TRIM55: variants seen among roughly 807,000 people sequenced by gnomAD.
TRIM55 encodes the protein tripartite motif-containing protein 55.
A neutral mutation model predicts 60.9 loss-of-function variants in TRIM55; 50 were observed. The ratio of observed to expected loss-of-function variants is 0.82; its 90% confidence interval spans 0.65 to 1.04. The LOEUF is 1.04. TRIM55 is among the 50% of genes least tolerant of loss of function. TRIM55 has a pLI of 0.00. For missense variants in TRIM55, 681 were observed against 666.9 expected (o/e 1.02, Z -0.23); for synonymous variants, 237 against 238.1 (o/e 1.00, Z 0.04).
At chr8:66,133,798 A>G (rs1809312784) in intron 2 of TRIM55, among the ~76,000 whole-genome samples, 2 of 152,198 alleles carry the variant, frequency 1.3e-5, no homozygotes, top group South Asian at 4.1e-4. Flanking sequence ...CAGCTACAAG[A>G]TACCACACAT....
intron 9 of TRIM55, among the ~76,000 whole-genome samples, chr8:66,172,863 A>G (rs2128987652): frequency 6.6e-6 from 1 of 152,358 alleles, no homozygotes; most frequent in East Asian, 1.9e-4. Flanking sequence ...CTCAAATTGA[A>G]TGGTTAAAAA....
chr8:66,115,850 A>G, the TRIM55 span, among the ~76,000 whole-genome samples: 7 of 152,214 alleles, frequency 4.6e-5, no homozygotes, highest in African/African-American at 1.7e-4. Flanking sequence ...TATAACATGT[A>G]AAGGCCTTAG....
intron 8 of TRIM55, 151 bp downstream of exon 8, chr8:66,152,778 A>T: frequency 8.9e-7 from 1 of 1,122,360 alleles, no homozygotes; most frequent in Non-Finnish European, 1.2e-6. Flanking sequence ...GACAGTCCTC[A>T]TGTCGGGGAG....
chr8:66,113,388 G>A, the TRIM55 span: 23 of 396,930 alleles, frequency 5.8e-5, no homozygotes, highest in Admixed American at 5.5e-4. Context: ...TCAGCTGGTA[G>A]AGCGGAGGAC....
intron 9 of TRIM55, among the ~76,000 whole-genome samples, chr8:66,158,514 C>A (rs2128983386): frequency 6.6e-6 from 1 of 152,302 alleles, no homozygotes; most frequent in Non-Finnish European, 1.5e-5. Context: ...CAGTGTCTGA[C>A]TCTGGGCATC....
At chr8:66,131,232 T>G (rs1809139093) in intron 2 of TRIM55, among the ~76,000 whole-genome samples, 1 of 152,150 alleles carries the variant, frequency 6.6e-6, no homozygotes, top group Non-Finnish European at 1.5e-5. Context: ...TTAAAGCTTT[T>G]AGTGCCTTAA....
chr8:66,161,408 A>ATGCTGT (rs1332416183), intron 9 of TRIM55, among the ~76,000 whole-genome samples: 1 of 152,086 alleles, frequency 6.6e-6, no homozygotes, highest in Non-Finnish European at 1.5e-5. Context: ...TACCAGTACC[A>ATGCTGT]TGCTGTTTTG....
the TRIM55 span, among the ~76,000 whole-genome samples, chr8:66,118,868 G>A: frequency 2.0e-5 from 3 of 152,156 alleles, no homozygotes; most frequent in African/African-American, 7.2e-5. Context: ...CACTAAAAAA[G>A]GGAGGGATGG....
the TRIM55 span, chr8:66,113,470 G>GT: frequency 2.9e-3 from 1,304 of 454,518 alleles, 8 homozygotes; most frequent in East Asian, 5.6e-3. Context: ...GACAAGTGCG[G>GT]TTTTTTTCTC....
intron 3 of TRIM55, 112 bp downstream of exon 3, chr8:66,135,267 G>A (rs964175037): frequency 2.1e-5 from 24 of 1,133,260 alleles, no homozygotes; most frequent in Admixed American, 4.0e-5. Flanking sequence ...CCCAAGCCAC[G>A]CAGGGCCATG....
chr8:66,158,061 T>C (rs1347674080), intron 9 of TRIM55, among the ~76,000 whole-genome samples: 1 of 151,950 alleles, frequency 6.6e-6, no homozygotes, highest in East Asian at 1.9e-4. Context: ...GATCTCTATT[T>C]GGTGGATTAA....
At chr8:66,144,748 A>G (rs1453584065) in intron 4 of TRIM55, among the ~76,000 whole-genome samples, 1 of 152,264 alleles carries the variant, frequency 6.6e-6, no homozygotes, top group African/African-American at 2.4e-5. Flanking sequence ...CAAGTAAATG[A>G]AAAAGTATGC....
intron 2 of TRIM55, among the ~76,000 whole-genome samples, chr8:66,130,721 C>T (rs1809103104): frequency 2.1e-5 from 3 of 144,092 alleles, no homozygotes; most frequent in South Asian, 2.2e-4. Flanking sequence ...AGTGCAGTGG[C>T]GTGATCTTGG....
In TRIM55 at chr8:66,127,255, G is replaced by C. The variant is rs773168450; in HGVS notation, c.-14G>C. Reference sequence around the variant, plus strand: ...GCACCCTTCCCTGGCAGCACACTTGGGGACAGCGAGGAGATGAGCGCATCT... The same window carrying C: ...GCACCCTTCCCTGGCAGCACACTTGCGGACAGCGAGGAGATGAGCGCATCT... On this transcript the variant is annotated 5_prime_UTR_variant, in exon 1 of 10. Transcript: ENST00000315962. 6.2e-7 allele frequency: 1 copy of C among 1,610,718 alleles called. No individual in the cohort carries two copies. Among genetic ancestry groups the C allele is most frequent in the African/African-American group, 1.3e-5 (1 of 74,782 alleles).
At chr8:66,162,718 AT>A (rs1346456270) in intron 9 of TRIM55, among the ~76,000 whole-genome samples, 1 of 151,886 alleles carries the variant, frequency 6.6e-6, no homozygotes, top group Middle Eastern at 3.2e-3. Flanking sequence ...ATTTCTTAGA[AT>A]TTTTTGAGGA....
chr8:66,149,785 C>T lies in TRIM55; in HGVS notation c.744C>T (p.Ile248=), dbSNP rs1586212650. 2.9e-5 allele frequency: 47 copies of T among 1,614,152 alleles called. No individual in the cohort carries two copies. Among genetic ancestry groups the T allele is most frequent in the Non-Finnish European group, 3.6e-5 (42 of 1,180,012 alleles). The change falls in exon 5 of 10, where the codon ATC becomes ATT. Residue 248 remains isoleucine (I), a synonymous_variant. Coordinates refer to ENST00000315962, the MANE Select transcript of TRIM55 (RefSeq NM_184085.2). ...AACTGGAACATGTCCGTGCTCTGAT[C>T]AAAAAGTATTCTGATCATTTGGAGA... ...EEKLEHVRAL[I]KKYSDHLENV... is the part of the protein sequence containing the mutation.
chr8:66,124,790 C>T (rs989357688), upstream of TRIM55, among the ~76,000 whole-genome samples: 1 of 152,196 alleles, frequency 6.6e-6, no homozygotes, highest in Admixed American at 6.5e-5. Flanking sequence ...CTTATAGGCC[C>T]CAATATCTTT....
intron 9 of TRIM55, among the ~76,000 whole-genome samples, chr8:66,161,776 G>A (rs7828111): frequency 2.2e-5 from 3 of 134,112 alleles, no homozygotes; most frequent in Non-Finnish European, 3.2e-5. Flanking sequence ...TTTTTTGCAA[G>A]TATTGTGAAA....
At chr8:66,164,008 G>GT (rs34363935) in intron 9 of TRIM55, among the ~76,000 whole-genome samples, 145 of 144,542 alleles carry the variant, frequency 1.0e-3, no homozygotes, top group African/African-American at 1.7e-3. Flanking sequence ...CAAGATAAGT[G>GT]TTTTTTTTTT....
Sources: gnomAD v4.1 joint callset for allele counts (sites outside exome capture counted in the v4.1 genomes callset) on GRCh38, gnomAD v4.1.1 for gene constraint, MANE v1.5 for transcripts, NCBI Gene and HGNC (gene_info 2026-07-23, HGNC 2026-07-21) for gene names.